PCDHGA7: variants seen among roughly 807,000 people sequenced by gnomAD.
PCDHGA7 encodes protocadherin gamma subfamily A, 7.
A neutral mutation model predicts 58.3 loss-of-function variants in PCDHGA7; 44 were observed. The observed-to-expected ratio is 0.75, with a 90% CI of 0.59 to 0.97. The LOEUF is 0.97. Ranked by LOEUF, PCDHGA7 falls within the 50% of genes least tolerant of loss-of-function variation. The probability of loss-of-function intolerance (pLI) is 0.00; values close to 1 mark genes in which losing one functional copy is unlikely to be tolerated. For missense variants in PCDHGA7, 1,266 were observed against 1,188.7 expected (o/e 1.06, Z -0.96); for synonymous variants, 516 against 504.2 (o/e 1.02, Z -0.31).
intron 1 of PCDHGA7, chr5:141,409,468 C>A: frequency 2.5e-6 from 4 of 1,613,948 alleles, no homozygotes; most frequent in Non-Finnish European, 3.4e-6. Context: ...ATGTCACCAT[C>A]GTAGCCACTG....
intron 2 of PCDHGA7, among the ~76,000 whole-genome samples, chr5:141,496,008 C>CT (rs1468405718): frequency 2.0e-5 from 3 of 151,956 alleles, no homozygotes; most frequent in Non-Finnish European, 4.4e-5. Flanking sequence ...TTTATCTTGT[C>CT]TTTTTTCTCT....
intron 1 of PCDHGA7, chr5:141,404,212 C>T: frequency 3.7e-6 from 6 of 1,613,616 alleles, no homozygotes; most frequent in Non-Finnish European, 5.1e-6. Flanking sequence ...AATATAATAT[C>T]ACGGTGACTG....
In PCDHGA7 at chr5:141,482,326, GAAT is replaced by G. The variant is rs1344469521; in HGVS notation, c.2425-12479_2425-12477del. Among the ~76,000 whole-genome samples, 3 of 152,072 alleles carry G rather than the reference GAAT, an allele frequency of 2.0e-5. No homozygotes were observed. The East Asian group carries it at 5.8e-4, about 29-fold the overall frequency. ...AGTTTCCTCATCTATAAAATAAAGAGAATATCTACTTTGCAAACTTGTTGTGAG... is the reference window on the plus strand; with the variant it reads ...AGTTTCCTCATCTATAAAATAAAGAGATCTACTTTGCAAACTTGTTGTGAG... On this transcript the variant is annotated intron_variant, in intron 1 of 3. Transcript: ENST00000518325.
intron 1 of PCDHGA7, chr5:141,396,003 T>G (rs749303972): frequency 2.0e-5 from 3 of 152,232 alleles, no homozygotes; most frequent in Admixed American, 6.5e-5. Flanking sequence ...TTTAAACTGT[T>G]GAAAGTGACT....
chr5:141,391,910 CAT>C (rs2092442264), intron 1 of PCDHGA7: 2 of 152,134 alleles, frequency 1.3e-5, no homozygotes, highest in African/African-American at 4.8e-5. Context: ...TGCTTTTTAT[CAT>C]ATATTCATCT....
intron 1 of PCDHGA7, among the ~76,000 whole-genome samples, chr5:141,433,641 G>A (rs1177387884): frequency 6.6e-6 from 1 of 152,104 alleles, no homozygotes; most frequent in Non-Finnish European, 1.5e-5. Flanking sequence ...TTTGAGACCA[G>A]CCTGACCAAC....
At chr5:141,506,130 GAGA>G (rs560751517) in intron 3 of PCDHGA7, among the ~76,000 whole-genome samples, 2 of 152,170 alleles carry the variant, frequency 1.3e-5, no homozygotes, top group Admixed American at 1.3e-4. Context: ...CCCAGAGCAG[GAGA>G]AGAAGAATAT....
At chr5:141,501,366 T>G (rs1297210978) in intron 2 of PCDHGA7, among the ~76,000 whole-genome samples, 1 of 150,672 alleles carries the variant, frequency 6.6e-6, no homozygotes, top group Non-Finnish European at 1.5e-5. Flanking sequence ...ACCATATTCA[T>G]CATCTCTTAA....
At position 141,493,202 on chromosome 5, in the gene PCDHGA7, A is replaced by G. The variant is rs1246390819; in HGVS notation, c.2425-1605A>G. Among the ~76,000 whole-genome samples, 1 of 152,196 alleles carries G rather than the reference A, an allele frequency of 6.6e-6. No individual in the cohort carries two copies. ...ACTATATAACTCCTTTGAGAACCTC[A>G]TCTCATTTGCTCTTCCCACCATTGC... On this transcript the variant is annotated intron_variant, in intron 1 of 3. Transcript: ENST00000518325. The surrounding 1 kb of genome is among the most constrained non-coding windows in gnomAD (Gnocchi z 4.3).
chr5:141,400,044 G>C lies in PCDHGA7; in HGVS notation c.2424+14721G>C, dbSNP rs745775469. 4 of 1,613,556 alleles carry C rather than the reference G, an allele frequency of 2.5e-6. No homozygotes were observed. In the South Asian group the frequency reaches 4.4e-5, roughly 18 times the overall value. On this transcript the variant is annotated intron_variant, in intron 1 of 3. Coordinates refer to ENST00000518325, the MANE Select transcript of PCDHGA7 (RefSeq NM_018920.4). ...GGGACGCGGCCCGCCAGCGCCTGCT[G>C]GTTGCTGTGCGTGATGGTGGACAGC...
At position 141,384,266 on chromosome 5, in the gene PCDHGA7, C is replaced by T; in HGVS notation, c.1367C>T (p.Ser456Phe). 6.2e-7 allele frequency: 1 copy of T among 1,613,876 alleles called. No individual in the cohort carries two copies. Reference sequence around the variant, plus strand: ...AACCCACCCACCTTCCCCCACTCATCCTACTCAGTCTACATCGCTGAGAAC... The same window carrying T: ...AACCCACCCACCTTCCCCCACTCATTCTACTCAGTCTACATCGCTGAGAAC... Reference protein sequence around the residue: ...NDNPPTFPHSSYSVYIAENNP... With the variant: ...NDNPPTFPHSFYSVYIAENNP... The change falls in exon 1 of 4, where the codon TCC becomes TTC. Residue 456 changes from serine to phenylalanine, a missense_variant. Coordinates refer to ENST00000518325, the MANE Select transcript of PCDHGA7 (RefSeq NM_018920.4).
chr5:141,460,511 A>G (rs533913282), intron 1 of PCDHGA7, among the ~76,000 whole-genome samples: 2 of 152,286 alleles, frequency 1.3e-5, no homozygotes, highest in Admixed American at 1.3e-4. Context: ...TGAGAAGGCT[A>G]TCTTTTCCCC....
At chr5:141,408,990 AAGTGAC>A (rs769374488) in intron 1 of PCDHGA7, 2 of 1,613,984 alleles carry the variant, frequency 1.2e-6, no homozygotes, top group Non-Finnish European at 1.7e-6. Flanking sequence ...CCTGTGTTGC[AAGTGAC>A]AGCCACTGAC....
At chr5:141,388,913 A>T in intron 1 of PCDHGA7, 1 of 1,614,040 alleles carries the variant, frequency 6.2e-7, no homozygotes, top group Non-Finnish European at 8.5e-7. Context: ...ACAACGCCCC[A>T]GAAGTGATAT....
At chr5:141,469,543 C>G (rs1031152008) in intron 1 of PCDHGA7, among the ~76,000 whole-genome samples, 4 of 152,040 alleles carry the variant, frequency 2.6e-5, no homozygotes, top group Non-Finnish European at 4.4e-5. Flanking sequence ...CCACTGCACT[C>G]CAGCCTGGCG....
chr5:141,388,426 T>C, intron 1 of PCDHGA7: 1 of 1,613,864 alleles, frequency 6.2e-7, no homozygotes, highest in Non-Finnish European at 8.5e-7. Context: ...TTCTCACTGA[T>C]AAATAAAGAG....
intron 1 of PCDHGA7, among the ~76,000 whole-genome samples, chr5:141,467,955 G>A (rs1049980375): frequency 2.0e-5 from 3 of 151,666 alleles, no homozygotes; most frequent in Non-Finnish European, 2.9e-5. Context: ...CACCACACCC[G>A]GCTGCCAGAA....
chr5:141,443,781 CA>C (rs1227271563), intron 1 of PCDHGA7, among the ~76,000 whole-genome samples: 2 of 150,514 alleles, frequency 1.3e-5, no homozygotes, highest in African/African-American at 2.4e-5. Flanking sequence ...ACCAAAAAGA[CA>C]AAAAAAATGA....
chr5:141,388,743 A>G (rs1228676619), intron 1 of PCDHGA7: 1 of 1,613,916 alleles, frequency 6.2e-7, no homozygotes, highest in Non-Finnish European at 8.5e-7. Context: ...AGCTAGCCAG[A>G]TCACCCAATT....
Sources: gnomAD v4.1 joint callset for allele counts (sites outside exome capture counted in the v4.1 genomes callset) on GRCh38, gnomAD v4.1.1 for gene constraint, Gnocchi (gnomAD v3.1) non-coding constraint, MANE v1.5 for transcripts, NCBI Gene and HGNC (gene_info 2026-07-23, HGNC 2026-07-21) for gene names.